NUP214: variants seen among roughly 807,000 people sequenced by gnomAD.
The protein encoded by NUP214 is nucleoporin 214.
Under a neutral mutation model 196.2 loss-of-function variants are expected in NUP214, and 79 were observed. That is an observed-to-expected ratio of 0.40 (90% CI 0.34 to 0.49). NUP214 has a LOEUF of 0.49. NUP214 is among the 20% of genes least tolerant of loss of function. The pLI is 0.58. For missense variants in NUP214, 2,468 were observed against 2,539.0 expected, an observed-to-expected ratio of 0.97 and a Z score of 0.60; for synonymous variants, 1,020 against 990.5, an observed-to-expected ratio of 1.03 and a Z score of -0.56.
chr9:131,223,727 A>ATTTATTTATTTATTTATTTAT, intron 32 of NUP214, among the ~76,000 whole-genome samples: 6 of 15,662 alleles, frequency 3.8e-4, no homozygotes, highest in African/African-American at 9.1e-4. Flanking sequence ...TTATTTATTT[A>ATTTATTTATTTATTTATTTAT]TTTTTTTTTT....
intron 18 of NUP214, 170 bp from the exon 19 acceptor site, chr9:131,162,821 G>A: frequency 1.5e-6 from 1 of 660,034 alleles, no homozygotes; most frequent in Admixed American, 3.0e-5. Context: ...TCTTCATTAG[G>A]CTTTCATCTC....
Position 131,127,659 on chromosome 9 carries a change from A to G in NUP214, c.181A>G (p.Ile61Val). The G allele has an allele frequency of 6.2e-7, 1 of 1,614,002 alleles. No individual in the cohort carries two copies. Among genetic ancestry groups the G allele is most frequent in the East Asian group, 2.2e-5 (1 of 44,868 alleles). ...CGCTGGTGGAGCCAGTGGCTTGCAG[A>G]TTTTTCCTACTAAAAATCTTCTTAT... ...VFAGGASGLQIFPTKNLLIQN... is the reference protein window; with the variant it reads ...VFAGGASGLQVFPTKNLLIQN... The change falls in exon 2 of 36, where the codon ATT becomes GTT. Residue 61 changes from isoleucine to valine, a missense_variant. Physicochemically the swap from Ile to Val is conservative, Grantham distance 29. Coordinates refer to ENST00000359428, the MANE Select transcript of NUP214 (RefSeq NM_005085.4).
rs1326345355 is a variant in NUP214 at position 131,150,750 on chromosome 9, T to G, written c.2262T>G (p.Ile754Met). The stretch of plus-strand genomic sequence containing the variant: ...ACTTGCATACCTTTCTTTTGGAGAT[T>G]AAAGAGACCACAGAGGTTTGTGTTT... ...SDDLHTFLLE[I>M]KETTESLHGD... The change falls in exon 16 of 36, where the codon ATT (isoleucine) becomes ATG (methionine). Residue 754 changes from isoleucine to methionine, a missense_variant. By Grantham distance (10) the Ile-to-Met change is conservative (BLOSUM62 1). Around this residue, in one of 5 missense-constraint regions of NUP214, gnomAD observed 1,801 missense variants for 1,779.4 expected, o/e 1.01. Coordinates refer to ENST00000359428, the MANE Select transcript of NUP214 (RefSeq NM_005085.4). 6.2e-7 allele frequency: 1 copy of G among 1,611,384 alleles called. No homozygotes were observed. The highest frequency in any genetic ancestry group is 8.5e-7 in the Non-Finnish European group (1 of 1,179,312).
intron 34 of NUP214, among the ~76,000 whole-genome samples, chr9:131,231,781 C>T (rs1266674279): frequency 2.6e-5 from 4 of 151,818 alleles, no homozygotes; most frequent in Admixed American, 6.6e-5. Context: ...CAATTGTACC[C>T]GTGAAGAAAC....
chr9:131,150,384 C>A lies in NUP214; in HGVS notation c.2101C>A (p.Pro701Thr). Reference sequence around the variant, plus strand: ...GGGACATCAGTGGAAAGATTCAGATCCTGTAATGGCTGGAATTGGGGAGGA... The same window carrying A: ...GGGACATCAGTGGAAAGATTCAGATACTGTAATGGCTGGAATTGGGGAGGA... ...KQGHQWKDSD[P>T]VMAGIGEEIA... Residue 701 changes from proline (P) to threonine (T), a missense_variant, in exon 15 of 36, where the codon CCT becomes ACT. Physicochemically the swap from Pro to Thr is conservative, Grantham distance 38 (BLOSUM62 -1). Transcript: ENST00000359428. 6 of 1,614,140 alleles carry A rather than the reference C, an allele frequency of 3.7e-6. No homozygotes were observed. Among genetic ancestry groups the A allele is most frequent in the Non-Finnish European group, 5.1e-6 (6 of 1,179,990 alleles).
intron 21 of NUP214, among the ~76,000 whole-genome samples, chr9:131,169,099 C>T (rs1172192419): frequency 5.3e-5 from 7 of 132,940 alleles, no homozygotes; most frequent in African/African-American, 2.0e-4. Context: ...GTGGCATGAT[C>T]TCAGCTCACT....
chr9:131,187,379 T>C lies in NUP214; in HGVS notation c.3495+15T>C, dbSNP rs1564200319. 13 of 1,577,346 alleles carry C rather than the reference T, an allele frequency of 8.2e-6. No homozygotes were observed. The highest frequency in any genetic ancestry group is 1.1e-5 in the Non-Finnish European group (13 of 1,155,236). On this transcript the variant is annotated intron_variant, in intron 25 of 35. Transcript: ENST00000359428. ...AAGCCAAGCAGGTAACTTACTGATT[T>C]TTACTTTTTTTTTTTTTTTTTTTTT...
At position 131,150,649 on chromosome 9, in the gene NUP214, AAAGCCC is replaced by A. The variant is rs1832230391; in HGVS notation, c.2162_2167del (p.Lys721_Ala722del). 1 of 1,613,788 alleles carries A rather than the reference AAAGCCC, an allele frequency of 6.2e-7. No individual in the cohort carries two copies. The highest frequency in any genetic ancestry group is 1.3e-5 in the African/African-American group (1 of 74,912). On this transcript the variant is annotated inframe_deletion, in exon 16 of 36. Coordinates refer to ENST00000359428, the MANE Select transcript of NUP214 (RefSeq NM_005085.4). Reference sequence around the variant, plus strand: ...CTTTCAGAAGGAGTTGGAAGAGTTAAAAGCCCGAACTTCCAAAGCCTGTTTCCAAGT... The same window carrying A: ...CTTTCAGAAGGAGTTGGAAGAGTTAAGAACTTCCAAAGCCTGTTTCCAAGT...
In NUP214 at chr9:131,196,506, A is replaced by G. The variant is rs145676612; in HGVS notation, c.3722-710A>G. Among the ~76,000 whole-genome samples the G allele has an allele frequency of 2.5e-3, 376 of 152,300 alleles. 3 individuals are homozygous for G. Among genetic ancestry groups the G allele is most frequent in the Admixed American group, 0.017 (264 of 15,296 alleles). ...AACCACTGTTGTTTGACCAGGCCTT[A>G]TGGGTGCTTTACCCATATTTCCTGC... is the stretch of plus-strand genomic sequence containing the variant. On this transcript the variant is annotated intron_variant, in intron 28 of 35. Transcript: ENST00000359428.
At chr9:131,230,077 CAG>C (rs1834835090) in intron 33 of NUP214, 1 of 224,978 alleles carries the variant, frequency 4.4e-6, no homozygotes, top group African/African-American at 2.4e-5. Context: ...TGAGGGGGCA[CAG>C]GGGATTGTCT....
At chr9:131,154,238 TTTCAA>T (rs1832364067) in intron 17 of NUP214, among the ~76,000 whole-genome samples, 1 of 152,178 alleles carries the variant, frequency 6.6e-6, no homozygotes, top group African/African-American at 2.4e-5. Context: ...TTTTTAAAAA[TTTCAA>T]TAGTTTTTGG....
At chr9:131,194,490 A>G (rs1005256803) in intron 27 of NUP214, among the ~76,000 whole-genome samples, 2 of 152,272 alleles carry the variant, frequency 1.3e-5, no homozygotes, top group Admixed American at 6.5e-5. Flanking sequence ...AACCTGCCTC[A>G]GCCTCTCAAA....
chr9:131,175,960 A>C (rs1413850571), intron 23 of NUP214, among the ~76,000 whole-genome samples: 1 of 152,132 alleles, frequency 6.6e-6, no homozygotes, highest in Admixed American at 6.5e-5. Flanking sequence ...TCGATCATCG[A>C]ATAACACTAG....
At chr9:131,159,201 A>G (rs755914146) in intron 17 of NUP214, 182 bp from the exon 18 acceptor site, 6 of 591,350 alleles carry the variant, frequency 1.0e-5, no homozygotes, top group East Asian at 2.9e-5. Context: ...GGCCTGAGCC[A>G]CTACACCCGG....
At chr9:131,203,498 C>T (rs376281024) in intron 30 of NUP214, among the ~76,000 whole-genome samples, 7 of 152,148 alleles carry the variant, frequency 4.6e-5, no homozygotes, top group South Asian at 4.2e-4. Context: ...TGTATTAGTC[C>T]GGCAGTTAAT....
rs569367741 is a variant in NUP214, at chr9:131,139,824, AC to A, written c.1132+419del. Among the ~76,000 whole-genome samples the A allele has an allele frequency of 1.9e-4, 29 of 152,242 alleles. No individual in the cohort carries two copies. In the South Asian group the frequency reaches 3.9e-3, roughly 21 times the overall value. The stretch of plus-strand genomic sequence containing the variant: ...TGAAGGCAAGGATTAGAAAATAGAG[AC>A]CTCAGGCCCATGGTTTCCAAATAGG... On this transcript the variant is annotated intron_variant, in intron 10 of 35. Transcript: ENST00000359428.
chr9:131,188,070 G>A (rs772441693), intron 25 of NUP214, among the ~76,000 whole-genome samples: 1 of 152,190 alleles, frequency 6.6e-6, no homozygotes, highest in Non-Finnish European at 1.5e-5. Flanking sequence ...AGTGACCAAC[G>A]CAAACTCTCA....
chr9:131,152,704 G>A (rs974076317), intron 17 of NUP214, among the ~76,000 whole-genome samples: 1 of 152,034 alleles, frequency 6.6e-6, no homozygotes, highest in African/African-American at 2.4e-5. Flanking sequence ...ATGTTGGCTA[G>A]GAAACGGGGA....
Position 131,192,297 on chromosome 9 carries a change from G to A in NUP214, c.3659+5G>A. 6.5e-7 allele frequency: 1 copy of A among 1,537,586 alleles called. No homozygotes were observed. The highest frequency in any genetic ancestry group is 8.8e-7 in the Non-Finnish European group (1 of 1,133,080). ...TTTCTCATTTTCTCCATCAGGGTCA[G>A]TAATGAACTTAAGTTTTATGGCAAA... is the stretch of plus-strand genomic sequence containing the variant. On this transcript the variant is annotated splice_donor_5th_base_variant and intron_variant, in intron 27 of 35. Transcript: ENST00000359428.
Sources: gnomAD v4.1 joint callset for allele counts (sites outside exome capture counted in the v4.1 genomes callset) on GRCh38, gnomAD v4.1.1 for gene constraint, gnomAD v4.1.1 regional missense constraint, MANE v1.5 for transcripts, NCBI Gene and HGNC (gene_info 2026-07-23, HGNC 2026-07-21) for gene names.